The following DOK7 variants were observed in gnomAD, a reference collection of about 807,000 sequenced individuals.
DOK7 encodes the protein protein Dok-7.
Under a neutral mutation model 30.7 loss-of-function variants are expected in DOK7, and 32 were observed. That is an observed-to-expected ratio of 1.04 (90% CI 0.79 to 1.40). DOK7 has a LOEUF of 1.40. Ranked by LOEUF, DOK7 falls within the 40% of genes most tolerant of loss-of-function variation. The probability of loss-of-function intolerance (pLI) is 0.00; values close to 1 mark genes in which losing one functional copy is unlikely to be tolerated. For synonymous variants in DOK7, 447 were observed against 324.1 expected, an observed-to-expected ratio of 1.38 and a Z score of -4.07; for missense variants, 1,007 against 699.2, an observed-to-expected ratio of 1.44 and a Z score of -4.97.
At position 3,489,698 on chromosome 4, in the gene DOK7, C is replaced by G; in HGVS notation, c.674C>G (p.Ser225Trp). ...ACAGACCCAAGTCCCCCGGGACCCT[C>G]GACTGTGGAGGAGCGTGTGGCCCAG... ...VLPDPSPPGP[S>W]TVEERVAQEA... The change falls in exon 6 of 7, where the codon TCG (serine) becomes TGG (tryptophan). Residue 225 changes from serine (S) to tryptophan (W), a missense_variant. By Grantham distance (177) the Ser-to-Trp change is radical. Coordinates refer to ENST00000340083, the MANE Select transcript of DOK7 (RefSeq NM_173660.5). The G allele has an allele frequency of 6.4e-7, 1 of 1,564,470 alleles. No individual in the cohort carries two copies. The highest frequency in any genetic ancestry group is 8.7e-7 in the Non-Finnish European group (1 of 1,154,636).
intron 2 of DOK7, among the ~76,000 whole-genome samples, chr4:3,467,459 C>A (rs919669747): frequency 7.5e-6 from 1 of 133,670 alleles, no homozygotes; most frequent in Non-Finnish European, 1.6e-5. Flanking sequence ...ACCCCCCCCC[C>A]CCACCCCAGA....
At chr4:3,490,151 C>CTCTG (rs1728150019) in intron 6 of DOK7, among the ~76,000 whole-genome samples, 1 of 97,356 alleles carries the variant, frequency 1.0e-5, no homozygotes, top group African/African-American at 5.6e-5. Flanking sequence ...TCCTTCCTTC[C>CTCTG]CCACCCTGCT....
intron 4 of DOK7, among the ~76,000 whole-genome samples, chr4:3,478,445 G>C (rs902170643): frequency 4.3e-5 from 6 of 141,024 alleles, no homozygotes; most frequent in African/African-American, 1.6e-4. Flanking sequence ...TCTTGCTGCT[G>C]CCTCTCCGGG....
intron 3 of DOK7, among the ~76,000 whole-genome samples, chr4:3,474,647 C>A (rs972215658): frequency 6.6e-6 from 1 of 152,322 alleles, no homozygotes; most frequent in African/African-American, 2.4e-5. Context: ...CATAGCGAAG[C>A]CCCATCTCTA....
chr4:3,490,428 A>C, intron 6 of DOK7, among the ~76,000 whole-genome samples: 1 of 14,676 alleles, frequency 6.8e-5, no homozygotes, highest in East Asian at 2.0e-3. Context: ...CGCCCCGCTC[A>C]TTCATTCCTT....
At chr4:3,469,676 G>A (rs529951856) in intron 2 of DOK7, among the ~76,000 whole-genome samples, 11 of 152,324 alleles carry the variant, frequency 7.2e-5, no homozygotes, top group African/African-American at 2.2e-4. Flanking sequence ...GAGCCGCTGC[G>A]TCCTGGGGCT....
At chr4:3,490,423 CG>C (rs1728231576) in intron 6 of DOK7, among the ~76,000 whole-genome samples, 1 of 17,912 alleles carries the variant, frequency 5.6e-5, no homozygotes, top group Admixed American at 5.5e-4. Context: ...CCCACCGCCC[CG>C]CTCATTCATT....
chr4:3,497,750 G>C (rs879465304), downstream of DOK7, among the ~76,000 whole-genome samples: 1 of 152,004 alleles, frequency 6.6e-6, no homozygotes, highest in Non-Finnish European at 1.5e-5. Flanking sequence ...GGATGGGGGC[G>C]GAGCCACAGG....
intron 4 of DOK7, among the ~76,000 whole-genome samples, chr4:3,478,966 G>A (rs528004031): frequency 2.6e-5 from 4 of 152,256 alleles, no homozygotes; most frequent in South Asian, 4.1e-4. Context: ...GGAGGGAGCC[G>A]GCAACTCGGG....
At position 3,490,571 on chromosome 4, in the gene DOK7, CCTTCTCTCTCTGCTCATTCCTTCATTT is replaced by C. The variant is rs1245676859; in HGVS notation, c.772+784_772+810del. ...TTCTCCCCCTGCTCATTCGTTTTTT[CCTTCTCTCTCTGCTCATTCCTTCATTT>C]CTTCTCTCCCTGCTCGTTCATTCCT... On this transcript the variant is annotated intron_variant, in intron 6 of 6. Transcript: ENST00000340083. Among the ~76,000 whole-genome samples the C allele has an allele frequency of 2.4e-3, 129 of 54,040 alleles. 1 individual carries two copies. The highest frequency in any genetic ancestry group is 3.5e-3 in the Non-Finnish European group (110 of 31,718). 35.5% of individuals were successfully genotyped at this position (54,040 alleles called of 152,430 possible).
chr4:3,470,849 A>G (rs970098371), intron 2 of DOK7, among the ~76,000 whole-genome samples: 2 of 152,232 alleles, frequency 1.3e-5, no homozygotes, highest in South Asian at 2.1e-4. Flanking sequence ...ATTATTGGGA[A>G]TGTAACTTGT....
Position 3,493,459 on chromosome 4 carries a change from A to G in DOK7, c.1473A>G (p.Ala491=), listed in dbSNP as rs1728680799. ...HAGPPPAFFS[A]CPVCGGLKVN... ...GGCCACCCCCGGCTTTCTTTTCGGCATGTCCAGTCTGTGGAGGACTCAAGG... is the reference window on the plus strand; with the variant it reads ...GGCCACCCCCGGCTTTCTTTTCGGCGTGTCCAGTCTGTGGAGGACTCAAGG... Residue 491 remains alanine (A), a synonymous_variant, in exon 7 of 7, where the codon GCA becomes GCG. Coordinates refer to ENST00000340083, the MANE Select transcript of DOK7 (RefSeq NM_173660.5). The G allele has an allele frequency of 6.2e-7, 1 of 1,610,542 alleles. No individual in the cohort carries two copies. The highest frequency in any genetic ancestry group is 1.3e-5 in the African/African-American group (1 of 75,012).
chr4:3,473,356 T>G lies in DOK7; in HGVS notation c.101-50T>G, dbSNP rs967382317. 6 of 1,586,686 alleles carry G rather than the reference T, an allele frequency of 3.8e-6. No homozygotes were observed. The Admixed American group carries it at 8.5e-5, about 22-fold the overall frequency. ...ACGGCCTCCCCGGGGACGCCAAGGG[T>G]GCGGGCAGGCGGTGTTGGCTGGCGT... is the stretch of plus-strand genomic sequence containing the variant. On this transcript the variant is annotated intron_variant, in intron 2 of 6. Coordinates refer to ENST00000340083, the MANE Select transcript of DOK7 (RefSeq NM_173660.5).
intron 4 of DOK7, among the ~76,000 whole-genome samples, chr4:3,479,180 C>A (rs943060782): frequency 1.3e-5 from 2 of 152,226 alleles, no homozygotes; most frequent in Non-Finnish European, 2.9e-5. Flanking sequence ...CCGCTGGTGG[C>A]CCCGGCGGCC....
rs73195123 is a variant in DOK7 at position 3,469,177 on chromosome 4, G to T, written c.101-4229G>T. Among the ~76,000 whole-genome samples the T allele has an allele frequency of 9.6e-3, 1,458 of 151,218 alleles. 8 individuals are homozygous for T. Among genetic ancestry groups the T allele is most frequent in the Non-Finnish European group, 0.014 (966 of 67,682 alleles). ...TATGAGTGTGCATGTGTGTGTGTGC[G>T]TCTGTGTGAGTGTGCATGTATGAGT... On this transcript the variant is annotated intron_variant, in intron 2 of 6. Coordinates refer to ENST00000340083, the MANE Select transcript of DOK7 (RefSeq NM_173660.5).
In DOK7 at chr4:3,484,477, C is replaced by T. The variant is rs370902638; in HGVS notation, c.533-1062C>T. On this transcript the variant is annotated intron_variant, in intron 4 of 6. Transcript: ENST00000340083. ...TGGGCAATGGGCAGAGGCCCCGGAG[C>T]GGGCGGGATTCCTGTGAGGTGACGC... The T allele has an allele frequency of 1.8e-4, 179 of 984,536 alleles. 1 individual carries two copies. The South Asian group carries it at 2.1e-3, about 11-fold the overall frequency. The allele number at this position is 984,536 out of a possible 1,614,324, so 61.0% of individuals were successfully genotyped here. A position where few individuals can be genotyped will look rare whatever the true frequency, so the allele number is the denominator to read the frequency against.
At chr4:3,477,447 C>A (rs1039260461) in intron 4 of DOK7, among the ~76,000 whole-genome samples, 1 of 152,258 alleles carries the variant, frequency 6.6e-6, no homozygotes, top group African/African-American at 2.4e-5. Context: ...ACGGGCCACA[C>A]TGGCCGCCTG....
chr4:3,493,618 G>C lies in DOK7; in HGVS notation c.*117G>C. On this transcript the variant is annotated 3_prime_UTR_variant, in exon 7 of 7. Transcript: ENST00000340083. ...TCTGTGTTCTGTGGGAGGGACCGGG[G>C]GTCTCCCGGAGAGGGGAGCTGGAGG... The C allele has an allele frequency of 2.0e-6, 3 of 1,504,560 alleles. No homozygotes were observed. Among genetic ancestry groups the C allele is most frequent in the Non-Finnish European group, 2.7e-6 (3 of 1,123,870 alleles). 93.2% of individuals were successfully genotyped at this position (1,504,560 alleles called of 1,614,324 possible). A position where few individuals can be genotyped will look rare whatever the true frequency, so the allele number is the denominator to read the frequency against.
chr4:3,494,383 C>A lies in DOK7; in HGVS notation c.*882C>A. The A allele has an allele frequency of 2.0e-6, 2 of 985,632 alleles. No homozygotes were observed. Among genetic ancestry groups the A allele is most frequent in the African/African-American group, 3.5e-5 (2 of 57,346 alleles). The allele number at this position is 985,632 out of a possible 1,614,324, so 61.1% of individuals were successfully genotyped here. ...CCTGGAGCCTGCCCTGACCACAGCCCAGCAGCTCCCTGTGAACACCTCTTT... is the reference window on the plus strand; with the variant it reads ...CCTGGAGCCTGCCCTGACCACAGCCAAGCAGCTCCCTGTGAACACCTCTTT... On this transcript the variant is annotated 3_prime_UTR_variant, in exon 7 of 7. Coordinates refer to ENST00000340083, the MANE Select transcript of DOK7 (RefSeq NM_173660.5).
Sources: gnomAD v4.1 joint callset for allele counts (sites outside exome capture counted in the v4.1 genomes callset) on GRCh38, gnomAD v4.1.1 for gene constraint, MANE v1.5 for transcripts, NCBI Gene and HGNC (gene_info 2026-07-23, HGNC 2026-07-21) for gene names.